CAPN13: variants seen among roughly 807,000 people sequenced by gnomAD.
CAPN13 encodes the protein calpain 13, also known as calpain-13.
In CAPN13, 90 loss-of-function variants were observed where a neutral mutation model predicts 98.4. The observed-to-expected ratio is 0.92, with a 90% CI of 0.77 to 1.09. The LOEUF is 1.09. Ranked by LOEUF, CAPN13 falls within the 50% of genes least tolerant of loss-of-function variation. CAPN13 has a pLI of 0.00. For synonymous variants in CAPN13, 330 were observed against 305.5 expected (o/e 1.08, Z -0.84); for missense variants, 887 against 841.3 (o/e 1.05, Z -0.67).
At chr2:30,728,880 G>A (rs1670955671) in intron 22 of CAPN13, among the ~76,000 whole-genome samples, 1 of 152,216 alleles carries the variant, frequency 6.6e-6, no homozygotes, top group African/African-American at 2.4e-5. Context: ...AGTTAGCAGG[G>A]AGAGTGGGAA....
At chr2:30,779,809 A>G (rs1673895721) in intron 2 of CAPN13, among the ~76,000 whole-genome samples, 1 of 152,056 alleles carries the variant, frequency 6.6e-6, no homozygotes, top group Non-Finnish European at 1.5e-5. Context: ...TAATAAATAA[A>G]TTGTTCTATT....
At chr2:30,743,784 G>A (rs1340961916) in intron 12 of CAPN13, 4 of 682,064 alleles carry the variant, frequency 5.9e-6, no homozygotes, top group African/African-American at 5.3e-5. Flanking sequence ...GGACACAATG[G>A]ATGCAAGGAA....
Position 30,753,138 on chromosome 2 carries a change from T to C in CAPN13, c.1002A>G (p.Pro334=), listed in dbSNP as rs1414107756. 1.2e-6 allele frequency: 2 copies of C among 1,613,888 alleles called. No homozygotes were observed. Among genetic ancestry groups the C allele is most frequent in the Non-Finnish European group, 1.7e-6 (2 of 1,179,900 alleles). ...FIAMFICSEI[P]ITLDHGNTLH... ...GTGTGTTTCCATGGTCCAGGGTAATTGGAATTTCGCTACATATAAACATGG... is the reference window on the plus strand; with the variant it reads ...GTGTGTTTCCATGGTCCAGGGTAATCGGAATTTCGCTACATATAAACATGG... Residue 334 remains proline (P), a synonymous_variant, in exon 10 of 23, where the codon CCA becomes CCG. Transcript: ENST00000295055.
chr2:30,742,399 C>A (rs758442804), intron 13 of CAPN13, 40 bp from the exon 14 acceptor site: 2 of 1,591,220 alleles, frequency 1.3e-6, no homozygotes, highest in Non-Finnish European at 8.6e-7. Flanking sequence ...ATGACCAGCT[C>A]ACCACTCAAA....
intron 15 of CAPN13, 147 bp downstream of exon 15, chr2:30,741,761 G>C: frequency 1.3e-6 from 2 of 1,498,320 alleles, no homozygotes; most frequent in South Asian, 2.6e-5. Context: ...AGCAGTTCTG[G>C]AGACGATCCA....
Position 30,743,367 on chromosome 2 carries a change from C to A in CAPN13, c.1445+16G>T, listed in dbSNP as rs769918837. 2 of 1,604,804 alleles carry A rather than the reference C, an allele frequency of 1.2e-6. No homozygotes were observed. Among genetic ancestry groups the A allele is most frequent in the East Asian group, 4.5e-5 (2 of 44,854 alleles). ...TAAGTAGAATAAAACATTTACAATC[C>A]CAGAGGGTTCTGTACCTGTCACTGT... On this transcript the variant is annotated intron_variant, in intron 13 of 22. Coordinates refer to ENST00000295055, the MANE Select transcript of CAPN13 (RefSeq NM_144575.3).
chr2:30,782,167 C>T (rs926049914), intron 2 of CAPN13, among the ~76,000 whole-genome samples: 5 of 152,130 alleles, frequency 3.3e-5, no homozygotes, highest in African/African-American at 7.2e-5. Context: ...CAGAGGTAGA[C>T]GGAGAAATAT....
intron 20 of CAPN13, 64 bp downstream of exon 20, chr2:30,732,374 C>G (rs969908528): frequency 2.5e-6 from 4 of 1,598,666 alleles, no homozygotes; most frequent in Non-Finnish European, 3.4e-6. Context: ...AGGGGGTGTC[C>G]GGTCCTCTCC....
rs924494087 is a variant in CAPN13, at chr2:30,791,312, C to A, written c.-32-3955G>T. On this transcript the variant is annotated intron_variant, in intron 1 of 22. Transcript: ENST00000295055. ...AGATATGTCTTAGATACTGCTGAGC[C>A]ATACAACTATGTCTTAGCAGTATCT... 2.0e-4 allele frequency among the ~76,000 whole-genome samples: 30 copies of A among 152,302 alleles called. 1 individual carries two copies. In the South Asian group the frequency reaches 2.7e-3, roughly 14 times the overall value.
chr2:30,760,504 A>G (rs2148014010), intron 7 of CAPN13, among the ~76,000 whole-genome samples: 1 of 152,304 alleles, frequency 6.6e-6, no homozygotes, highest in African/African-American at 2.4e-5. Flanking sequence ...AGGCATGCAG[A>G]TAAACACTCA....
chr2:30,745,194 A>G, intron 12 of CAPN13: 2 of 471,308 alleles, frequency 4.2e-6, no homozygotes, highest in Admixed American at 4.7e-5. Flanking sequence ...GGTATTCCAA[A>G]CTCCACCTGT....
intron 12 of CAPN13, among the ~76,000 whole-genome samples, chr2:30,744,109 AAAC>A (rs1671795019): frequency 6.6e-6 from 1 of 152,240 alleles, no homozygotes; most frequent in African/African-American, 2.4e-5. Context: ...CTTAGAGATA[AAAC>A]AATAAATATA....
intron 15 of CAPN13, among the ~76,000 whole-genome samples, chr2:30,740,673 A>G (rs1182370712): frequency 1.3e-5 from 2 of 152,210 alleles, no homozygotes; most frequent in African/African-American, 2.4e-5. Flanking sequence ...AAGGCCCCCT[A>G]TGGGCCACCA....
chr2:30,759,761 G>C (rs1380076984), intron 7 of CAPN13, among the ~76,000 whole-genome samples: 1 of 152,178 alleles, frequency 6.6e-6, no homozygotes, highest in Non-Finnish European at 1.5e-5. Flanking sequence ...CGGGCTCCTA[G>C]TTTTGGAATT....
chr2:30,800,179 A>AGAAAGAAAGAAAGAAAGAAG (rs1572891861), intron 1 of CAPN13, among the ~76,000 whole-genome samples: 1 of 151,892 alleles, frequency 6.6e-6, no homozygotes, highest in East Asian at 1.9e-4. Flanking sequence ...AAAGAAAGAA[A>AGAAAGAAAGAAAGAAAGAAG]GAAAGAAAGA....
At chr2:30,767,588 G>A (rs941149994) in intron 5 of CAPN13, among the ~76,000 whole-genome samples, 14 of 152,152 alleles carry the variant, frequency 9.2e-5, no homozygotes, top group African/African-American at 2.4e-4. Context: ...CAGTGTTTTC[G>A]TAAGAAGCTT....
chr2:30,796,172 G>GTATATA (rs757421069), intron 1 of CAPN13, among the ~76,000 whole-genome samples: 1 of 136,262 alleles, frequency 7.3e-6, no homozygotes, highest in African/African-American at 3.2e-5. Context: ...ATATATGTGT[G>GTATATA]TATATATATA....
intron 1 of CAPN13, among the ~76,000 whole-genome samples, chr2:30,797,289 G>A (rs369503605): frequency 4.3e-4 from 65 of 152,076 alleles, no homozygotes; most frequent in African/African-American, 1.3e-3. Context: ...TTTCCCTACC[G>A]CCAAGATTAT....
At chr2:30,735,619 T>C (rs72867117) in intron 18 of CAPN13, among the ~76,000 whole-genome samples, 15,973 of 151,964 alleles carry the variant, frequency 0.11, 1,247 homozygotes, top group African/African-American at 0.21. Context: ...CCCAGGGGAG[T>C]GGACATGCCA....
Sources: allele counts gnomAD v4.1 joint callset (sites outside exome capture counted in the v4.1 genomes callset), GRCh38; gene constraint gnomAD v4.1.1; transcripts MANE v1.5; gene names NCBI Gene and HGNC (gene_info 2026-07-23, HGNC 2026-07-21).